The following TSPAN3 variants were observed in gnomAD, a reference collection of about 807,000 sequenced individuals.
TSPAN3 encodes tetraspanin-3.
In TSPAN3, 9 loss-of-function variants were observed where a neutral mutation model predicts 31.1. That is an observed-to-expected ratio of 0.29 (90% CI 0.17 to 0.50). TSPAN3 has a LOEUF of 0.50. Among genes scored for constraint, TSPAN3 ranks in the 20% least tolerant of loss-of-function variants. The pLI is 0.98. For missense variants in TSPAN3, 252 were observed against 313.5 expected (o/e 0.80, Z 1.48); for synonymous variants, 129 against 114.3 (o/e 1.13, Z -0.82).
chr15:77,055,233 A>G (rs1000955334), intron 3 of TSPAN3: 1 of 152,510 alleles, frequency 6.6e-6, no homozygotes, highest in Non-Finnish European at 1.5e-5. Context: ...GTAGACAGCA[A>G]AATCAGGCAA....
At chr15:77,052,676 A>G in intron 5 of TSPAN3, 101 bp downstream of exon 5, 8 of 1,353,618 alleles carry the variant, frequency 5.9e-6, no homozygotes, top group Non-Finnish European at 8.2e-6. Flanking sequence ...ATATGACATT[A>G]AAGACAAGCA....
In TSPAN3 at chr15:77,054,226, T is replaced by A; in HGVS notation, c.384A>T (p.Gly128=). 6.2e-7 allele frequency: 1 copy of A among 1,614,030 alleles called. No homozygotes were observed. Among genetic ancestry groups the A allele is most frequent in the Non-Finnish European group, 8.5e-7 (1 of 1,179,936 alleles). The change falls in exon 4 of 7, where the codon GGA becomes GGT. Residue 128 remains glycine (G), a synonymous_variant. Coordinates refer to ENST00000267970, the MANE Select transcript of TSPAN3 (RefSeq NM_005724.6). Reference sequence around the variant, plus strand: ...CCCGGCTAGCAGCATCAGGGTTGGTTCCATTGTAGGTCTTATACACTTTCT... The same window carrying A: ...CCCGGCTAGCAGCATCAGGGTTGGTACCATTGTAGGTCTTATACACTTTCT... ...SIQKVYKTYN[G]TNPDAASRAI...
chr15:77,043,022 T>C lies in TSPAN3; in HGVS notation c.*3813A>G, dbSNP rs1218776638. On this transcript the variant is annotated 3_prime_UTR_variant, in exon 7 of 7. Transcript: ENST00000267970. ...GACCCACAGTGGGCTCTGAAGGGGC[T>C]AACAAGGCTAGAGGAGGAAGATGGC... The C allele has an allele frequency of 3.3e-5, 5 of 152,254 alleles. No homozygotes were observed. The highest frequency in any genetic ancestry group is 1.2e-4 in the African/African-American group (5 of 41,428). The allele number at this position is 152,254 out of a possible 1,614,324, so 9.4% of individuals were successfully genotyped here. A position where few individuals can be genotyped will look rare whatever the true frequency, so the allele number is the denominator to read the frequency against.
In TSPAN3 at chr15:77,071,025, C is replaced by T. The variant is rs1232579906; in HGVS notation, c.-71G>A. ...CTCACCGAGAGAGCGGCAATGGCGG[C>T]GGCGCCTCCTCGCTAGGAACTGCAC... is the stretch of plus-strand genomic sequence containing the variant. On this transcript the variant is annotated 5_prime_UTR_variant, in exon 1 of 7. Coordinates refer to ENST00000267970, the MANE Select transcript of TSPAN3 (RefSeq NM_005724.6). The T allele has an allele frequency of 1.7e-6, 2 of 1,167,102 alleles. No homozygotes were observed. The highest frequency in any genetic ancestry group is 2.1e-5 in the South Asian group (1 of 47,094). The allele number at this position is 1,167,102 out of a possible 1,614,324, so 72.3% of individuals were successfully genotyped here. A position where few individuals can be genotyped will look rare whatever the true frequency, so the allele number is the denominator to read the frequency against.
Position 77,066,179 on chromosome 15 carries a change from G to C in TSPAN3, c.63+4713C>G, listed in dbSNP as rs114368812. On this transcript the variant is annotated intron_variant, in intron 1 of 6. Coordinates refer to ENST00000267970, the MANE Select transcript of TSPAN3 (RefSeq NM_005724.6). The stretch of plus-strand genomic sequence containing the variant: ...GTACTGATTTAAACTTGTTTTAGAC[G>C]AGCCCTCTTTGGTCAGATTAAATGA... Among the ~76,000 whole-genome samples, 1,087 of 152,170 alleles carry C rather than the reference G, an allele frequency of 7.1e-3. 14 individuals are homozygous for C. The highest frequency in any genetic ancestry group is 0.024 in the African/African-American group (1,005 of 41,492).
chr15:77,066,432 C>T (rs2076833286), intron 1 of TSPAN3, among the ~76,000 whole-genome samples: 1 of 151,938 alleles, frequency 6.6e-6, no homozygotes, highest in South Asian at 2.1e-4. Context: ...ATTAGCTGGG[C>T]ATGGTGGCGC....
chr15:77,055,654 T>C, intron 3 of TSPAN3, 135 bp downstream of exon 3: 1 of 673,358 alleles, frequency 1.5e-6, no homozygotes, highest in Non-Finnish European at 2.5e-6. Context: ...CAATTAACTT[T>C]AGATATTTGA....
chr15:77,055,951 T>A lies in TSPAN3; in HGVS notation c.256-88A>T, dbSNP rs566586852. On this transcript the variant is annotated intron_variant, in intron 2 of 6. Transcript: ENST00000267970. ...ATTTAAAAAAAGTTATCAGAGATAA[T>A]TGCTAGAAGTTTAAATGTTAACTCT... The A allele has an allele frequency of 9.9e-6, 15 of 1,519,362 alleles. No homozygotes were observed. In the East Asian group the frequency reaches 2.9e-4, roughly 30 times the overall value. 94.1% of individuals were successfully genotyped at this position (1,519,362 alleles called of 1,614,324 possible).
intron 6 of TSPAN3, among the ~76,000 whole-genome samples, chr15:77,051,863 T>A (rs2076733426): frequency 6.6e-6 from 1 of 151,996 alleles, no homozygotes; most frequent in African/African-American, 2.4e-5. Context: ...GTCTCTATTT[T>A]TAAAAGTTGT....
intron 3 of TSPAN3, 87 bp from the exon 4 acceptor site, chr15:77,054,366 T>C (rs1052830646): frequency 8.5e-6 from 8 of 938,164 alleles, no homozygotes; most frequent in Non-Finnish European, 1.3e-5. Context: ...TTAAATGAAA[T>C]GTTTGCAAGT....
intron 1 of TSPAN3, among the ~76,000 whole-genome samples, chr15:77,069,322 C>G (rs1327195659): frequency 1.3e-5 from 2 of 152,048 alleles, no homozygotes; most frequent in South Asian, 4.1e-4. Flanking sequence ...GCAAAAGATG[C>G]CCTTATAATG....
At chr15:77,048,644 T>C (rs2076709026) in intron 6 of TSPAN3, among the ~76,000 whole-genome samples, 1 of 152,212 alleles carries the variant, frequency 6.6e-6, no homozygotes, top group Non-Finnish European at 1.5e-5. Context: ...TGAAATTCCA[T>C]TGATTTTTGA....
At chr15:77,065,697 G>A (rs2076828442) in intron 1 of TSPAN3, among the ~76,000 whole-genome samples, 1 of 152,116 alleles carries the variant, frequency 6.6e-6, no homozygotes, top group Non-Finnish European at 1.5e-5. Flanking sequence ...ATGAGCCACC[G>A]CACCTGGCTG....
chr15:77,067,291 A>G (rs574691873), intron 1 of TSPAN3, among the ~76,000 whole-genome samples: 2 of 152,082 alleles, frequency 1.3e-5, no homozygotes, highest in South Asian at 2.1e-4. Flanking sequence ...ACATTATTAC[A>G]GCATTGTTCC....
chr15:77,067,042 C>A (rs949862260), intron 1 of TSPAN3, among the ~76,000 whole-genome samples: 3 of 151,770 alleles, frequency 2.0e-5, no homozygotes, highest in African/African-American at 7.3e-5. Context: ...CCATGAAAAC[C>A]CATTAATCCA....
Position 77,055,812 on chromosome 15 carries a change from A to G in TSPAN3, c.307T>C (p.Leu103=). The G allele has an allele frequency of 6.2e-7, 1 of 1,611,490 alleles. No homozygotes were observed. The highest frequency in any genetic ancestry group is 8.5e-7 in the Non-Finnish European group (1 of 1,179,404). ...ACCTTTGCTCTGTAAACATATCCCA[A>G]AACCACTACAACAACTTCTGTGACA... ...VFVTEVVVVV[L]GYVYRAKVEN... The change falls in exon 3 of 7, where the codon TTG becomes CTG. Residue 103 remains leucine, a synonymous_variant. Coordinates refer to ENST00000267970, the MANE Select transcript of TSPAN3 (RefSeq NM_005724.6).
chr15:77,041,874 G>C lies in TSPAN3; in HGVS notation c.*4961C>G, dbSNP rs531399966. ...TCGTTAATTTTATGCCATGTGAATT[G>C]CATCTCAATAAAAATTGTTTTCATT... On this transcript the variant is annotated 3_prime_UTR_variant, in exon 7 of 7. Transcript: ENST00000267970. 2 of 152,302 alleles carry C rather than the reference G, an allele frequency of 1.3e-5. No individual in the cohort carries two copies. The highest frequency in any genetic ancestry group is 3.9e-4 in the East Asian group (2 of 5,190). The allele number at this position is 152,302 out of a possible 1,614,324, so 9.4% of individuals were successfully genotyped here. A position where few individuals can be genotyped will look rare whatever the true frequency, so the allele number is the denominator to read the frequency against.
intron 3 of TSPAN3, chr15:77,055,582 A>G: frequency 2.2e-6 from 1 of 461,326 alleles, no homozygotes; most frequent in African/African-American, 2.0e-5. Flanking sequence ...ATCAAGAACA[A>G]TACATATATA....
chr15:77,066,710 C>T (rs2076835885), intron 1 of TSPAN3, among the ~76,000 whole-genome samples: 1 of 148,504 alleles, frequency 6.7e-6, no homozygotes, highest in Non-Finnish European at 1.5e-5. Context: ...TCCATAAAAA[C>T]AGAGATCCAA....
Sources: allele counts gnomAD v4.1 joint callset (sites outside exome capture counted in the v4.1 genomes callset), GRCh38; gene constraint gnomAD v4.1.1; transcripts MANE v1.5; gene names NCBI Gene and HGNC (gene_info 2026-07-23, HGNC 2026-07-21).